Variants in MRPS23 observed in about 807,000 individuals in gnomAD.
MRPS23 encodes small ribosomal subunit protein mS23.
Under a neutral mutation model 19.8 loss-of-function variants are expected in MRPS23, and 14 were observed. The ratio of observed to expected loss-of-function variants is 0.71; its 90% CI spans 0.47 to 1.11. The LOEUF is 1.11. Ranked by LOEUF, MRPS23 falls within the 50% of genes least tolerant of loss-of-function variation. MRPS23 has a pLI of 0.00. For missense variants in MRPS23, 242 were observed against 236.7 expected, an observed-to-expected ratio of 1.02 and a Z score of -0.15; for synonymous variants, 113 against 89.7, an observed-to-expected ratio of 1.26 and a Z score of -1.47.
rs575433322 is a variant in MRPS23 at position 57,846,680 on chromosome 17, G to A, written c.215+2560C>T. Among the ~76,000 whole-genome samples, 4 of 152,254 alleles carry A rather than the reference G, an allele frequency of 2.6e-5. No homozygotes were observed. In the South Asian group the frequency reaches 8.3e-4, roughly 32 times the overall value. On this transcript the variant is annotated intron_variant, in intron 2 of 4. Coordinates refer to ENST00000313608, the MANE Select transcript of MRPS23 (RefSeq NM_016070.4). ...CAGGGTTAAATGGATTAAGGGCGGT[G>A]CAAGATGTGCTTTGTTAAACAGATG...
At chr17:57,842,887 T>TACACACACACAC (rs1209375203) in intron 2 of MRPS23, among the ~76,000 whole-genome samples, 1 of 97,540 alleles carries the variant, frequency 1.0e-5, no homozygotes, top group Non-Finnish European at 2.1e-5. Flanking sequence ...AAAATATATA[T>TACACACACACAC]ATATACACAC....
intron 2 of MRPS23, chr17:57,848,985 C>G: frequency 2.0e-6 from 1 of 501,364 alleles, no homozygotes; most frequent in Non-Finnish European, 3.6e-6. Context: ...AGTACAGTGC[C>G]TGGCCCAAAG....
At chr17:57,840,857 C>G in intron 4 of MRPS23, 69 bp downstream of exon 4, 3 of 1,578,050 alleles carry the variant, frequency 1.9e-6, no homozygotes, top group Non-Finnish European at 2.6e-6. Context: ...GGGGCCCTAG[C>G]ACCAATCCCC....
intron 2 of MRPS23, among the ~76,000 whole-genome samples, chr17:57,846,056 G>C (rs2073770646): frequency 6.6e-6 from 1 of 150,454 alleles, no homozygotes. Flanking sequence ...AAACAGAAAA[G>C]TAGTCCCAAA....
chr17:57,844,122 TTTTTC>T lies in MRPS23; in HGVS notation c.216-2867_216-2863del, dbSNP rs1268816426. Among the ~76,000 whole-genome samples the T allele has an allele frequency of 1.9e-4, 29 of 148,914 alleles. No individual in the cohort carries two copies. In the East Asian group the frequency reaches 4.5e-3, roughly 23 times the overall value. ...TTTTATTTATTTTGTTGTAAGTTCC[TTTTTC>T]TTTTTTTTTTTTTTAAGAGATGGGG... On this transcript the variant is annotated intron_variant, in intron 2 of 4. Coordinates refer to ENST00000313608, the MANE Select transcript of MRPS23 (RefSeq NM_016070.4).
intron 1 of MRPS23, 114 bp from the exon 2 acceptor site, chr17:57,849,524 C>G (rs1397437226): frequency 1.6e-6 from 2 of 1,251,848 alleles, no homozygotes; most frequent in East Asian, 2.4e-5. Flanking sequence ...CAACACAGAA[C>G]GGGGAAGGAC....
In MRPS23 at chr17:57,835,966, T is replaced by TTG. The variant is rs2073702143; in HGVS notation, c.*3816_*3817insCA. 6.6e-6 allele frequency: 1 copy of TTG among 151,546 alleles called. No individual in the cohort carries two copies. The highest frequency in any genetic ancestry group is 1.5e-5 in the Non-Finnish European group (1 of 67,910). 9.4% of individuals were successfully genotyped at this position (151,546 alleles called of 1,614,324 possible). On this transcript the variant is annotated 3_prime_UTR_variant, in exon 5 of 5. Transcript: ENST00000313608. ...CCTCCTTTATACTTTTTTTTTTTTT[T>TTG]TTTTTGAGACAGTGTCTCTCTTCTG...
In MRPS23 at chr17:57,838,289, C is replaced by CAAAAAAAAAAAAAAAAAAAAAAAAAAAAA. The variant is rs59289595; in HGVS notation, c.*1493_*1494insTTTTTTTTTTTTTTTTTTTTTTTTTTTTT. The CAAAAAAAAAAAAAAAAAAAAAAAAAAAAA allele has an allele frequency of 6.8e-5, 2 of 29,414 alleles. No homozygotes were observed. The highest frequency in any genetic ancestry group is 2.0e-4 in the African/African-American group (2 of 10,146). 1.8% of individuals were successfully genotyped at this position (29,414 alleles called of 1,614,324 possible). On this transcript the variant is annotated 3_prime_UTR_variant, in exon 5 of 5. Transcript: ENST00000313608. Reference sequence around the variant, plus strand: ...TGGGAAACAAAGTGATACTCCATCGCAAAAAAAAAAAAAAAAAAAAAAAAA... The same window carrying CAAAAAAAAAAAAAAAAAAAAAAAAAAAAA: ...TGGGAAACAAAGTGATACTCCATCGCAAAAAAAAAAAAAAAAAAAAAAAAAAAAAAAAAAAAAAAAAAAAAAAAAAAAAA...
chr17:57,845,302 A>T (rs2685490), intron 2 of MRPS23, among the ~76,000 whole-genome samples: 120,956 of 152,200 alleles, frequency 0.79, 48,287 homozygotes, highest in South Asian at 0.88. Context: ...TGCCGAAAAT[A>T]TCCAAGTAGA....
At chr17:57,841,839 T>G (rs576023792) in intron 2 of MRPS23, among the ~76,000 whole-genome samples, 1 of 152,224 alleles carries the variant, frequency 6.6e-6, no homozygotes, top group African/African-American at 2.4e-5. Flanking sequence ...CACAGCTACT[T>G]GGGAGGGTTA....
In MRPS23 at chr17:57,849,261, T is replaced by C. The variant is rs751485886; in HGVS notation, c.194A>G (p.Tyr65Cys). Reference sequence around the variant, plus strand: ...TCACGCTCTAATCCGATCCTCGTGGTACCAGATGTCTTGGATGGGAGCTTT... The same window carrying C: ...TCACGCTCTAATCCGATCCTCGTGGCACCAGATGTCTTGGATGGGAGCTTT... Reference protein sequence around the residue: ...KAKAPIQDIWYHEDRIRAKFY... With the variant: ...KAKAPIQDIWCHEDRIRAKFY... The change falls in exon 2 of 5, where the codon TAC becomes TGC. Residue 65 changes from tyrosine to cysteine, a missense_variant. Tyr to Cys is a radical substitution (Grantham distance 194). Transcript: ENST00000313608. 14 of 1,614,238 alleles carry C rather than the reference T, an allele frequency of 8.7e-6. No individual in the cohort carries two copies. The highest frequency in any genetic ancestry group is 1.2e-5 in the Non-Finnish European group (14 of 1,180,040).
chr17:57,834,923 G>C lies in MRPS23; in HGVS notation c.*4860C>G, dbSNP rs1331397336. Reference sequence around the variant, plus strand: ...TACAAAGTGTTCTACAAAACTACAAGAAGAATCAGGCTAGCCTTTTAAGGA... The same window carrying C: ...TACAAAGTGTTCTACAAAACTACAACAAGAATCAGGCTAGCCTTTTAAGGA... On this transcript the variant is annotated 3_prime_UTR_variant, in exon 5 of 5. Coordinates refer to ENST00000313608, the MANE Select transcript of MRPS23 (RefSeq NM_016070.4). 6.6e-6 allele frequency: 1 copy of C among 152,046 alleles called. No homozygotes were observed. Among genetic ancestry groups the C allele is most frequent in the Non-Finnish European group, 1.5e-5 (1 of 68,010 alleles). 9.4% of individuals were successfully genotyped at this position (152,046 alleles called of 1,614,324 possible).
In MRPS23 at chr17:57,841,215, T is replaced by C. The variant is rs370509698; in HGVS notation, c.261A>G (p.Leu87=). Reference sequence around the variant, plus strand: ...AGGTAGACTTGAAGTTTGGATTGAATAGATCAAAAGCTCTTTGACCAGACC... The same window carrying C: ...AGGTAGACTTGAAGTTTGGATTGAACAGATCAAAAGCTCTTTGACCAGACC... ...VYGSGQRAFD[L]FNPNFKSTCQ... The change falls in exon 3 of 5, where the codon CTA becomes CTG. Residue 87 remains leucine (L), a synonymous_variant. Coordinates refer to ENST00000313608, the MANE Select transcript of MRPS23 (RefSeq NM_016070.4). 1.1e-5 allele frequency: 17 copies of C among 1,614,046 alleles called. No homozygotes were observed. Among genetic ancestry groups the C allele is most frequent in the African/African-American group, 2.7e-5 (2 of 74,946 alleles).
intron 2 of MRPS23, among the ~76,000 whole-genome samples, chr17:57,846,738 C>A (rs1246492918): frequency 1.3e-5 from 2 of 151,966 alleles, no homozygotes; most frequent in African/African-American, 2.4e-5. Flanking sequence ...AGAGTCATCA[C>A]CACTCCCTAA....
Position 57,849,347 on chromosome 17 carries a change from G to T in MRPS23, c.108C>A (p.Asp36Glu). Reference protein sequence around the residue: ...KEKPLWFDVYDAFPPLREPVF... With the variant: ...KEKPLWFDVYEAFPPLREPVF... ...CGGGCTCCCTCAGCGGGGGAAAGGC[G>T]TCATATACGTCAAACCACAGGGGCT... The change falls in exon 2 of 5, where the codon GAC (aspartate) becomes GAA (glutamate). Residue 36 changes from aspartate to glutamate, a missense_variant. By Grantham distance (45) the Asp-to-Glu change is conservative. Coordinates refer to ENST00000313608, the MANE Select transcript of MRPS23 (RefSeq NM_016070.4). The T allele has an allele frequency of 1.2e-6, 2 of 1,614,184 alleles. No individual in the cohort carries two copies. Among genetic ancestry groups the T allele is most frequent in the Non-Finnish European group, 1.7e-6 (2 of 1,180,032 alleles).
At chr17:57,849,739 G>A (rs1597955291) in intron 1 of MRPS23, 1 of 617,012 alleles carries the variant, frequency 1.6e-6, no homozygotes. Context: ...CACTCGGGGA[G>A]AGGCAGCTGC....
chr17:57,846,247 G>C (rs2073773681), intron 2 of MRPS23, among the ~76,000 whole-genome samples: 1 of 142,286 alleles, frequency 7.0e-6, no homozygotes, highest in African/African-American at 3.0e-5. Flanking sequence ...GTCCGGGAGG[G>C]AGGTGGGGGG....
rs2073706792 is a variant in MRPS23, at chr17:57,836,519, T to C, written c.*3264A>G. On this transcript the variant is annotated 3_prime_UTR_variant, in exon 5 of 5. Coordinates refer to ENST00000313608, the MANE Select transcript of MRPS23 (RefSeq NM_016070.4). ...AACCGCATGTACATGTCCATCCCAC[T>C]GCCTTTCCAGGCTCTCATGCAGTAT... 1 of 152,236 alleles carries C rather than the reference T, an allele frequency of 6.6e-6. No individual in the cohort carries two copies. Among genetic ancestry groups the C allele is most frequent in the Admixed American group, 6.6e-5 (1 of 15,256 alleles). The allele number at this position is 152,236 out of a possible 1,614,324, so 9.4% of individuals were successfully genotyped here.
Position 57,850,042 on chromosome 17 carries a change from G to T in MRPS23, c.-32C>A. 1 of 1,580,096 alleles carries T rather than the reference G, an allele frequency of 6.3e-7. No homozygotes were observed. The highest frequency in any genetic ancestry group is 8.6e-7 in the Non-Finnish European group (1 of 1,168,346). On this transcript the variant is annotated 5_prime_UTR_variant, in exon 1 of 5. Transcript: ENST00000313608. ...CGCCTGGTACCGAGCGTGACTAGCT[G>T]CTACCGGAACCGGAAGCGGCTGCTC...
Sources: gnomAD v4.1 joint callset for allele counts (sites outside exome capture counted in the v4.1 genomes callset) on GRCh38, gnomAD v4.1.1 for gene constraint, MANE v1.5 for transcripts, NCBI Gene and HGNC (gene_info 2026-07-23, HGNC 2026-07-21) for gene names.